The following NEGR1 variants were observed in gnomAD, a reference collection of about 807,000 sequenced individuals.
NEGR1 encodes the protein IgLON family member 4.
Under a neutral mutation model 40.9 loss-of-function variants are expected in NEGR1, and 10 were observed. The observed-to-expected ratio is 0.24, with a 90% CI of 0.15 to 0.42. The LOEUF (loss-of-function observed/expected upper bound fraction) is 0.42, where lower values mean the gene tolerates loss of function less well. Ranked by LOEUF, NEGR1 falls within the 10% of genes least tolerant of loss-of-function variation. The pLI, the probability that NEGR1 is intolerant of heterozygous loss-of-function variation, is 1.00. For missense variants in NEGR1, 352 were observed against 438.9 expected (o/e 0.80, Z 1.77); for synonymous variants, 185 against 166.8 (o/e 1.11, Z -0.84).
rs1374180884 is a variant in NEGR1, at chr1:71,678,616, GA to G, written c.667+19391del. Among the ~76,000 whole-genome samples the G allele has an allele frequency of 2.0e-5, 3 of 152,020 alleles. No individual in the cohort carries two copies. The East Asian group carries it at 5.8e-4, about 29-fold the overall frequency. On this transcript the variant is annotated intron_variant, in intron 4 of 6. Coordinates refer to ENST00000357731, the MANE Select transcript of NEGR1 (RefSeq NM_173808.3). ...AGTTGTACATGCATATAACACCTAT[GA>G]GTGGACATTTCCTTCCACTATAAAC...
intron 6 of NEGR1, among the ~76,000 whole-genome samples, chr1:71,581,905 T>C (rs1649151535): frequency 6.6e-6 from 1 of 152,050 alleles, no homozygotes; most frequent in Non-Finnish European, 1.5e-5. Flanking sequence ...GGTATTGCCA[T>C]GTTGCCCAAG....
chr1:71,815,158 T>A (rs992351191), intron 2 of NEGR1, among the ~76,000 whole-genome samples: 1 of 152,142 alleles, frequency 6.6e-6, no homozygotes, highest in African/African-American at 2.4e-5. Context: ...TTAATTTCAT[T>A]ATTTACCCAG....
At chr1:72,210,869 C>G (rs916513891) in intron 1 of NEGR1, among the ~76,000 whole-genome samples, 1 of 151,766 alleles carries the variant, frequency 6.6e-6, no homozygotes, top group Non-Finnish European at 1.5e-5. Flanking sequence ...GTTTGAGATT[C>G]CATACTGTAA....
intron 3 of NEGR1, among the ~76,000 whole-genome samples, chr1:71,773,279 C>A (rs894953048): frequency 6.6e-6 from 1 of 152,158 alleles, no homozygotes; most frequent in Non-Finnish European, 1.5e-5. Flanking sequence ...ATCAATCAGA[C>A]ACATACAAAA....
chr1:72,134,022 G>T (rs1006103406), intron 1 of NEGR1, among the ~76,000 whole-genome samples: 5 of 151,496 alleles, frequency 3.3e-5, no homozygotes, highest in Admixed American at 1.3e-4. Context: ...AAATTAAGAT[G>T]GTATTTAGCA....
chr1:71,643,470 A>C (rs1651424055), intron 4 of NEGR1, among the ~76,000 whole-genome samples: 1 of 152,014 alleles, frequency 6.6e-6, no homozygotes, highest in African/African-American at 2.4e-5. Context: ...TAGTTCATTG[A>C]CTTTTCAGTT....
At chr1:71,643,919 T>G (rs774713620) in intron 4 of NEGR1, among the ~76,000 whole-genome samples, 4 of 152,054 alleles carry the variant, frequency 2.6e-5, no homozygotes, top group Admixed American at 6.6e-5. Context: ...ATGGCAGTTT[T>G]TATTACTTCT....
intron 5 of NEGR1, among the ~76,000 whole-genome samples, chr1:71,595,095 C>T (rs1306950489): frequency 6.6e-6 from 1 of 152,152 alleles, no homozygotes; most frequent in Non-Finnish European, 1.5e-5. Context: ...GTTCCCTGCC[C>T]TTAAATGTAT....
At chr1:71,631,605 A>G (rs900450315) in intron 4 of NEGR1, among the ~76,000 whole-genome samples, 2 of 151,832 alleles carry the variant, frequency 1.3e-5, no homozygotes, top group African/African-American at 4.8e-5. Flanking sequence ...ACCAGTGGGT[A>G]ATCAATACAT....
At chr1:71,758,393 C>T (rs183428994) in intron 3 of NEGR1, among the ~76,000 whole-genome samples, 1 of 152,018 alleles carries the variant, frequency 6.6e-6, no homozygotes, top group East Asian at 1.9e-4. Flanking sequence ...TTATTGAATG[C>T]CTACTGTGTA....
At chr1:71,877,095 C>G (rs1306836668) in intron 2 of NEGR1, among the ~76,000 whole-genome samples, 5 of 148,698 alleles carry the variant, frequency 3.4e-5, no homozygotes, top group Non-Finnish European at 7.4e-5. Flanking sequence ...CGAGTGGGAG[C>G]AAAGGATCAA....
intron 2 of NEGR1, among the ~76,000 whole-genome samples, chr1:71,873,344 A>G (rs1238657484): frequency 1.3e-5 from 2 of 152,020 alleles, no homozygotes; most frequent in Non-Finnish European, 2.9e-5. Flanking sequence ...TAGCTAAAAT[A>G]TTGGTTAACA....
chr1:71,630,193 A>T (rs954531417), intron 4 of NEGR1, among the ~76,000 whole-genome samples: 4 of 151,996 alleles, frequency 2.6e-5, no homozygotes, highest in African/African-American at 9.7e-5. Context: ...TGTATTTAGG[A>T]GTTAAAATCA....
At chr1:71,551,312 G>A (rs764131331) in intron 6 of NEGR1, among the ~76,000 whole-genome samples, 3 of 151,556 alleles carry the variant, frequency 2.0e-5, no homozygotes, top group Non-Finnish European at 3.0e-5. Flanking sequence ...AATAAATAAT[G>A]AGACAGGAAA....
At chr1:71,729,037 G>T (rs1654768197) in intron 3 of NEGR1, among the ~76,000 whole-genome samples, 1 of 151,952 alleles carries the variant, frequency 6.6e-6, no homozygotes, top group African/African-American at 2.4e-5. Context: ...ACTTTTTTGT[G>T]ATCTGGCCAG....
intron 1 of NEGR1, among the ~76,000 whole-genome samples, chr1:72,238,960 T>C (rs1654648355): frequency 1.3e-5 from 2 of 151,912 alleles, no homozygotes; most frequent in Non-Finnish European, 2.9e-5. Flanking sequence ...ATAAGATGCT[T>C]TTTCTGAGAG....
chr1:71,728,016 G>A (rs1654728756), intron 3 of NEGR1, among the ~76,000 whole-genome samples: 1 of 152,140 alleles, frequency 6.6e-6, no homozygotes, highest in Non-Finnish European at 1.5e-5. Flanking sequence ...GAAGTCATAA[G>A]CCTGGACCAT....
intron 1 of NEGR1, among the ~76,000 whole-genome samples, chr1:72,197,082 C>A (rs1417160435): frequency 6.6e-6 from 1 of 151,810 alleles, no homozygotes; most frequent in African/African-American, 2.4e-5. Flanking sequence ...ACCTGAGCCA[C>A]AGGAAATTGA....
intron 1 of NEGR1, among the ~76,000 whole-genome samples, chr1:72,119,836 T>A (rs1649730053): frequency 6.6e-6 from 1 of 151,928 alleles, no homozygotes; most frequent in South Asian, 2.1e-4. Context: ...TAGAATATCT[T>A]CAAAGAAGGC....
Sources: gnomAD v4.1 joint callset for allele counts (sites outside exome capture counted in the v4.1 genomes callset) on GRCh38, gnomAD v4.1.1 for gene constraint, MANE v1.5 for transcripts, NCBI Gene and HGNC (gene_info 2026-07-23, HGNC 2026-07-21) for gene names.